AGBL3: variants seen among roughly 807,000 people sequenced by gnomAD.
AGBL3 encodes the protein cytosolic carboxypeptidase 3.
A neutral mutation model predicts 94.5 loss-of-function variants in AGBL3; 68 were observed. The observed-to-expected ratio is 0.72, with a 90% CI of 0.59 to 0.88. The LOEUF is 0.88. AGBL3 is among the 40% of genes least tolerant of loss of function. AGBL3 has a pLI of 0.00. For missense variants in AGBL3, 934 were observed against 1,103.8 expected, an observed-to-expected ratio of 0.85 and a Z score of 2.18; for synonymous variants, 354 against 370.7, an observed-to-expected ratio of 0.95 and a Z score of 0.52.
intron 12 of AGBL3, among the ~76,000 whole-genome samples, chr7:135,062,672 T>A (rs1230933151): frequency 6.6e-6 from 1 of 152,170 alleles, no homozygotes; most frequent in Non-Finnish European, 1.5e-5. Flanking sequence ...CATTTATCAA[T>A]TTGCATATGT....
intron 5 of AGBL3, among the ~76,000 whole-genome samples, chr7:135,021,368 T>C (rs964412619): frequency 1.3e-5 from 2 of 151,624 alleles, no homozygotes; most frequent in African/African-American, 4.8e-5. Flanking sequence ...CTCGGCTCAC[T>C]GCAAGCTCCA....
chr7:135,121,417 T>A (rs1269775391), intron 16 of AGBL3, among the ~76,000 whole-genome samples: 2 of 152,156 alleles, frequency 1.3e-5, no homozygotes, highest in Non-Finnish European at 2.9e-5. Flanking sequence ...CAAGTGTACG[T>A]GGATCATATA....
intron 12 of AGBL3, among the ~76,000 whole-genome samples, chr7:135,067,289 C>T (rs1002698688): frequency 2.6e-5 from 4 of 152,246 alleles, no homozygotes; most frequent in African/African-American, 9.6e-5. Flanking sequence ...CTGCCTACCT[C>T]TGTAGACTAT....
Position 135,057,923 on chromosome 7 carries a change from C to G in AGBL3, c.1842-1246C>G, listed in dbSNP as rs146992438. On this transcript the variant is annotated intron_variant, in intron 11 of 16. Transcript: ENST00000436302. ...ATATGACACTGGGTTGCCAGAAGTTCTGGGAAAACGAAGGATGAATAGATG... is the reference window on the plus strand; with the variant it reads ...ATATGACACTGGGTTGCCAGAAGTTGTGGGAAAACGAAGGATGAATAGATG... Among the ~76,000 whole-genome samples, 344 of 152,140 alleles carry G rather than the reference C, an allele frequency of 2.3e-3. 1 individual carries two copies. The highest frequency in any genetic ancestry group is 7.6e-3 in the African/African-American group (315 of 41,498).
At chr7:135,131,097 A>G (rs756548669) in intron 16 of AGBL3, among the ~76,000 whole-genome samples, 3 of 152,216 alleles carry the variant, frequency 2.0e-5, no homozygotes, top group Non-Finnish European at 4.4e-5. Context: ...AATCTTAAAA[A>G]TAAAAATAAA....
intron 16 of AGBL3, among the ~76,000 whole-genome samples, chr7:135,119,735 G>A (rs112521537): frequency 0.048 from 7,287 of 152,100 alleles, 242 homozygotes; most frequent in Non-Finnish European, 0.078. Flanking sequence ...AAATTAGCTG[G>A]GCGTGGCAGC....
chr7:135,022,119 A>G (rs1814564577), intron 5 of AGBL3, among the ~76,000 whole-genome samples: 1 of 152,236 alleles, frequency 6.6e-6, no homozygotes, highest in African/African-American at 2.4e-5. Context: ...ATAGTGATGC[A>G]ATCAACATAC....
Position 135,034,301 on chromosome 7 carries a change from G to A in AGBL3, c.710G>A (p.Arg237Gln), listed in dbSNP as rs747309793. ...NFTKPASLYS[R>Q]GMRPLFYSEK... ...ACCAAACCTGCTAGTCTTTACAGTC[G>A]GGGTATGCGCCCACTGTTCTATTCT... Residue 237 changes from arginine (R) to glutamine (Q), a missense_variant, in exon 7 of 17, where the codon CGG becomes CAG. Coordinates refer to ENST00000436302, the MANE Select transcript of AGBL3 (RefSeq NM_178563.4). The A allele has an allele frequency of 1.4e-5, 22 of 1,551,532 alleles. No individual in the cohort carries two copies. The highest frequency in any genetic ancestry group is 4.9e-5 in the East Asian group (2 of 40,928).
chr7:135,023,969 T>A (rs930892122), intron 5 of AGBL3, among the ~76,000 whole-genome samples: 6 of 152,188 alleles, frequency 3.9e-5, no homozygotes, highest in African/African-American at 1.4e-4. Context: ...TCCCAGGGCT[T>A]TGGCATGCAG....
intron 5 of AGBL3, among the ~76,000 whole-genome samples, chr7:135,030,821 T>C (rs1282070702): frequency 6.6e-6 from 1 of 151,988 alleles, no homozygotes; most frequent in African/African-American, 2.4e-5. Context: ...TTATTTCTTT[T>C]GCAAGCTTTA....
chr7:135,111,863 A>C (rs777643493), intron 15 of AGBL3, among the ~76,000 whole-genome samples: 1 of 152,074 alleles, frequency 6.6e-6, no homozygotes, highest in Non-Finnish European at 1.5e-5. Flanking sequence ...GACAACCATC[A>C]TATTTTTTAA....
chr7:135,030,598 C>T (rs1340955074), intron 5 of AGBL3, among the ~76,000 whole-genome samples: 1 of 152,078 alleles, frequency 6.6e-6, no homozygotes, highest in Non-Finnish European at 1.5e-5. Context: ...CTTTTTGGAT[C>T]CATAGGTTAG....
rs758186721 is a variant in AGBL3 at position 135,045,449 on chromosome 7, G to A, written c.1628-25G>A. 5.2e-6 allele frequency: 8 copies of A among 1,529,142 alleles called. No individual in the cohort carries two copies. In the South Asian group the frequency reaches 7.2e-5, roughly 14 times the overall value. 94.7% of individuals were successfully genotyped at this position (1,529,142 alleles called of 1,614,324 possible). A position where few individuals can be genotyped will look rare whatever the true frequency, so the allele number is the denominator to read the frequency against. ...AAAAATTATTAACTTACCCTCAAGGGTGGATAAACTTATTGATGTTTTAGG... is the reference window on the plus strand; with the variant it reads ...AAAAATTATTAACTTACCCTCAAGGATGGATAAACTTATTGATGTTTTAGG... On this transcript the variant is annotated intron_variant, in intron 9 of 16. Transcript: ENST00000436302.
At chr7:135,002,309 G>T (rs1382571658) in intron 4 of AGBL3, among the ~76,000 whole-genome samples, 1 of 152,130 alleles carries the variant, frequency 6.6e-6, no homozygotes, top group Non-Finnish European at 1.5e-5. Context: ...GCTTCCAGTT[G>T]TCCTCTCCTG....
intron 5 of AGBL3, among the ~76,000 whole-genome samples, chr7:135,029,173 C>T (rs1186471327): frequency 6.6e-6 from 1 of 152,146 alleles, no homozygotes; most frequent in Non-Finnish European, 1.5e-5. Context: ...CTTAAAGTCA[C>T]CAGCCACATT....
At chr7:135,086,982 T>A (rs988077835) in intron 15 of AGBL3, among the ~76,000 whole-genome samples, 2 of 152,052 alleles carry the variant, frequency 1.3e-5, no homozygotes, top group African/African-American at 2.4e-5. Flanking sequence ...AGTCCTGGGG[T>A]TTTCTTCAAT....
intron 4 of AGBL3, chr7:134,995,514 G>A (rs1201570708): frequency 6.6e-6 from 1 of 152,202 alleles, no homozygotes; most frequent in Non-Finnish European, 1.5e-5. Flanking sequence ...CACTGTTACT[G>A]CTGAGGTTCT....
At chr7:135,087,808 A>G (rs1167510859) in intron 15 of AGBL3, among the ~76,000 whole-genome samples, 4 of 152,026 alleles carry the variant, frequency 2.6e-5, no homozygotes, top group Non-Finnish European at 5.9e-5. Flanking sequence ...GTTGGATGAA[A>G]TGTTCTTAAA....
At position 135,128,726 on chromosome 7, in the gene AGBL3, T is replaced by G. The variant is rs531683302; in HGVS notation, c.2343-6115T>G. 1.7e-5 allele frequency: 23 copies of G among 1,380,896 alleles called. No individual in the cohort carries two copies. In the African/African-American group the frequency reaches 3.0e-4, roughly 18 times the overall value. The allele number at this position is 1,380,896 out of a possible 1,614,324, so 85.5% of individuals were successfully genotyped here. ...TCAAGATTGATTCTCAGAAAAAAAGTGCAGAGAAGGACAGCTCAAGCCTCT... is the reference window on the plus strand; with the variant it reads ...TCAAGATTGATTCTCAGAAAAAAAGGGCAGAGAAGGACAGCTCAAGCCTCT... On this transcript the variant is annotated intron_variant, in intron 16 of 16. Transcript: ENST00000436302.
Sources: gnomAD v4.1 joint callset for allele counts (sites outside exome capture counted in the v4.1 genomes callset) on GRCh38, gnomAD v4.1.1 for gene constraint, MANE v1.5 for transcripts, NCBI Gene and HGNC (gene_info 2026-07-23, HGNC 2026-07-21) for gene names.